The following FAM120A variants were observed in gnomAD, a reference collection of about 807,000 sequenced individuals.
FAM120A encodes the protein constitutive coactivator of PPAR-gamma-like protein 1.
FAM120A carries 15 observed loss-of-function variants against 109.7 expected under a neutral mutation model. That is an observed-to-expected ratio of 0.14 (90% CI 0.09 to 0.21). The LOEUF is 0.21. Among genes scored for constraint, FAM120A ranks in the 10% least tolerant of loss-of-function variants. The pLI is 1.00. For missense variants in FAM120A, 899 were observed against 1,439.3 expected, an observed-to-expected ratio of 0.62 and a Z score of 6.07; for synonymous variants, 493 against 572.8, an observed-to-expected ratio of 0.86 and a Z score of 1.99.
In FAM120A at chr9:93,537,100, C is replaced by G. The variant is rs570596229; in HGVS notation, c.1909+4771C>G. On this transcript the variant is annotated intron_variant, in intron 10 of 17. Transcript: ENST00000277165. ...TTGGGCCTCGAGATGAGTCCGGGGT[C>G]TGACGCAAGAACTCCTGGCTTTGAA... is the stretch of plus-strand genomic sequence containing the variant. 4.6e-5 allele frequency among the ~76,000 whole-genome samples: 7 copies of G among 152,318 alleles called. 1 individual carries two copies. Among genetic ancestry groups the G allele is most frequent in the African/African-American group, 1.7e-4 (7 of 41,556 alleles).
intron 5 of FAM120A, among the ~76,000 whole-genome samples, chr9:93,514,865 G>A (rs1860498864): frequency 6.6e-6 from 1 of 152,246 alleles, no homozygotes; most frequent in Non-Finnish European, 1.5e-5. Flanking sequence ...CAGAGGTTGA[G>A]TGGGGAGGCT....
chr9:93,502,280 G>A (rs1002697423), intron 5 of FAM120A, among the ~76,000 whole-genome samples: 3 of 152,184 alleles, frequency 2.0e-5, no homozygotes, highest in Admixed American at 2.0e-4. Flanking sequence ...TGGCTATAGG[G>A]GAAAAACATG....
chr9:93,541,083 G>GA (rs397707684), intron 10 of FAM120A, among the ~76,000 whole-genome samples: 2 of 128,384 alleles, frequency 1.6e-5, no homozygotes, highest in African/African-American at 5.8e-5. Context: ...GTGGTGGGGG[G>GA]TGTGTGTGGT....
At chr9:93,457,865 C>T (rs1857619600) in intron 1 of FAM120A, among the ~76,000 whole-genome samples, 1 of 151,338 alleles carries the variant, frequency 6.6e-6, no homozygotes, top group Non-Finnish European at 1.5e-5. Context: ...TCCTGTCTGC[C>T]TCCTTGAACC....
chr9:93,507,206 C>T (rs1417526868), intron 5 of FAM120A, among the ~76,000 whole-genome samples: 1 of 151,970 alleles, frequency 6.6e-6, no homozygotes, highest in African/African-American at 2.4e-5. Flanking sequence ...GGCAAGTTCT[C>T]CTCTGTGGGA....
chr9:93,462,322 C>G (rs1375048226), intron 1 of FAM120A, among the ~76,000 whole-genome samples: 2 of 152,148 alleles, frequency 1.3e-5, no homozygotes, highest in Non-Finnish European at 2.9e-5. Context: ...GCTCTGTCAC[C>G]AAGGCTGTAG....
In FAM120A at chr9:93,452,945, G is replaced by A. The variant is rs778525678; in HGVS notation, c.474+556G>A. The A allele has an allele frequency of 6.7e-5, 93 of 1,396,400 alleles. No homozygotes were observed. The highest frequency in any genetic ancestry group is 8.6e-5 in the Non-Finnish European group (93 of 1,080,698). The allele number at this position is 1,396,400 out of a possible 1,614,324, so 86.5% of individuals were successfully genotyped here. A position where few individuals can be genotyped will look rare whatever the true frequency, so the allele number is the denominator to read the frequency against. ...AGACGTGTCTAAGGGCCAGTGCCCT[G>A]GCCTCTACTTCAGAACGCAGTGCCC... On this transcript the variant is annotated intron_variant, in intron 1 of 17. Coordinates refer to ENST00000277165, the MANE Select transcript of FAM120A (RefSeq NM_014612.5). The surrounding 1 kb of genome is among the most constrained non-coding windows in gnomAD (Gnocchi z 7.0).
rs879732924 is a variant in FAM120A, at chr9:93,560,293, TA to T, written c.2807-803del. Among the ~76,000 whole-genome samples, 720 of 145,464 alleles carry T rather than the reference TA, an allele frequency of 4.9e-3. 1 individual carries two copies. Among genetic ancestry groups the T allele is most frequent in the Non-Finnish European group, 7.3e-3 (481 of 65,786 alleles). ...TGGGTGACAGAGCGAGACCCTGTCT[TA>T]AAAAAAAAAAAATCTTGACTACATG... is the stretch of plus-strand genomic sequence containing the variant. On this transcript the variant is annotated intron_variant, in intron 15 of 17. Transcript: ENST00000277165.
At chr9:93,513,705 C>A (rs535592864) in intron 5 of FAM120A, among the ~76,000 whole-genome samples, 1 of 152,292 alleles carries the variant, frequency 6.6e-6, no homozygotes, top group East Asian at 1.9e-4. Flanking sequence ...CTGTAAGATT[C>A]CTGGTCGTTC....
intron 3 of FAM120A, among the ~76,000 whole-genome samples, chr9:93,489,051 A>T (rs2131320858): frequency 6.6e-6 from 1 of 152,016 alleles, no homozygotes; most frequent in Middle Eastern, 3.4e-3. Context: ...TGTGTTGCCA[A>T]CTCTTAATTT....
At chr9:93,468,423 C>G (rs189295178) in intron 1 of FAM120A, among the ~76,000 whole-genome samples, 1 of 152,124 alleles carries the variant, frequency 6.6e-6, no homozygotes, top group African/African-American at 2.4e-5. Context: ...TGTAAAAGAA[C>G]GGTAGTTTGT....
At chr9:93,497,094 A>T (rs1434592424) in intron 3 of FAM120A, among the ~76,000 whole-genome samples, 1 of 152,182 alleles carries the variant, frequency 6.6e-6, no homozygotes, top group Admixed American at 6.5e-5. Context: ...AAGGGAGCGA[A>T]TGGTGGCTCC....
At chr9:93,471,904 G>T (rs982135177) in intron 2 of FAM120A, among the ~76,000 whole-genome samples, 1 of 152,094 alleles carries the variant, frequency 6.6e-6, no homozygotes, top group Non-Finnish European at 1.5e-5. Flanking sequence ...TTCCTTGGAG[G>T]AATTCCTTAT....
chr9:93,525,981 C>T (rs1861064068), intron 7 of FAM120A, among the ~76,000 whole-genome samples: 1 of 152,130 alleles, frequency 6.6e-6, no homozygotes, highest in East Asian at 1.9e-4. Context: ...AAAGACAGAA[C>T]TATAATGAAG....
chr9:93,514,179 A>C (rs148513156), intron 5 of FAM120A, among the ~76,000 whole-genome samples: 1 of 152,222 alleles, frequency 6.6e-6, no homozygotes, highest in Non-Finnish European at 1.5e-5. Flanking sequence ...TGAAGGGGGA[A>C]GAGCCCCTTA....
chr9:93,562,667 T>A (rs1340259936), intron 17 of FAM120A, among the ~76,000 whole-genome samples: 1 of 144,162 alleles, frequency 6.9e-6, no homozygotes, highest in Non-Finnish European at 1.5e-5. Flanking sequence ...TTCTTTTTCT[T>A]TTTTTTTTTT....
rs144717837 is a variant in FAM120A, at chr9:93,562,005, G to A, written c.2949-203G>A. 6.4e-4 allele frequency among the ~76,000 whole-genome samples: 97 copies of A among 152,266 alleles called. 1 individual carries two copies. Among genetic ancestry groups the A allele is most frequent in the Admixed American group, 1.6e-3 (24 of 15,300 alleles). On this transcript the variant is annotated intron_variant, in intron 16 of 17. Transcript: ENST00000277165. The stretch of plus-strand genomic sequence containing the variant: ...ACGCCTAGTGTTCCATTATTGGAAC[G>A]CAAAGCATGTGGGAGTTCTTTATGT...
At chr9:93,491,228 T>C (rs1436011168) in intron 3 of FAM120A, among the ~76,000 whole-genome samples, 2 of 152,150 alleles carry the variant, frequency 1.3e-5, no homozygotes, top group Non-Finnish European at 2.9e-5. Flanking sequence ...TTGCAGCCTC[T>C]TGGAGGTTTT....
intron 10 of FAM120A, among the ~76,000 whole-genome samples, chr9:93,541,632 G>C (rs1861704774): frequency 6.6e-6 from 1 of 152,162 alleles, no homozygotes. Context: ...TAAACACTAA[G>C]ATATTCAAAT....
Sources: allele counts gnomAD v4.1 joint callset (sites outside exome capture counted in the v4.1 genomes callset), GRCh38; gene constraint gnomAD v4.1.1; non-coding constraint Gnocchi (gnomAD v3.1); transcripts MANE v1.5; gene names NCBI Gene and HGNC (gene_info 2026-07-23, HGNC 2026-07-21).